AP3B1: variants seen among roughly 807,000 people sequenced by gnomAD.
AP3B1 encodes the protein adaptor related protein complex 3 subunit beta 1, also known as AP-3 complex subunit beta-1.
Under a neutral mutation model 132.5 loss-of-function variants are expected in AP3B1, and 61 were observed. That is an observed-to-expected ratio of 0.46 (90% CI 0.37 to 0.57). The LOEUF (loss-of-function observed/expected upper bound fraction) is 0.57, where lower values mean the gene tolerates loss of function less well. Among genes scored for constraint, AP3B1 ranks in the 20% least tolerant of loss-of-function variants. The probability of loss-of-function intolerance (pLI) is 0.00; values close to 1 mark genes in which losing one functional copy is unlikely to be tolerated. For synonymous variants in AP3B1, 388 were observed against 438.3 expected (o/e 0.89, Z 1.43); for missense variants, 1,120 against 1,289.4 (o/e 0.87, Z 2.01).
At chr5:78,186,747 TAAC>T (rs1477443361) in intron 7 of AP3B1, among the ~76,000 whole-genome samples, 1 of 152,194 alleles carries the variant, frequency 6.6e-6, no homozygotes, top group Non-Finnish European at 1.5e-5. Context: ...TTGTTATACA[TAAC>T]AATAAAGAAA....
chr5:78,117,457 C>G (rs1213751628), intron 17 of AP3B1, among the ~76,000 whole-genome samples: 1 of 151,724 alleles, frequency 6.6e-6, no homozygotes, highest in Non-Finnish European at 1.5e-5. Flanking sequence ...TCACAGGCAC[C>G]CACCACCACG....
intron 24 of AP3B1, among the ~76,000 whole-genome samples, chr5:78,029,988 A>G (rs1747503828): frequency 6.6e-6 from 1 of 151,164 alleles, no homozygotes; most frequent in African/African-American, 2.4e-5. Flanking sequence ...TCCTCCTTGC[A>G]CTTGTCTCTG....
chr5:78,242,689 G>A (rs376519707), intron 2 of AP3B1, among the ~76,000 whole-genome samples: 5 of 152,080 alleles, frequency 3.3e-5, no homozygotes, highest in African/African-American at 7.2e-5. Context: ...TTACAGGCAC[G>A]TGCCACCATG....
At chr5:78,005,525 G>A (rs886260106) in intron 26 of AP3B1, among the ~76,000 whole-genome samples, 2 of 152,168 alleles carry the variant, frequency 1.3e-5, no homozygotes, top group African/African-American at 4.8e-5. Flanking sequence ...AAGAATAGGG[G>A]TATGAAAGAA....
chr5:78,010,393 C>G (rs1746568707), intron 26 of AP3B1, among the ~76,000 whole-genome samples: 1 of 152,184 alleles, frequency 6.6e-6, no homozygotes, highest in Non-Finnish European at 1.5e-5. Flanking sequence ...CTCAGATTTA[C>G]TGAAGCTGAG....
chr5:78,208,138 C>T (rs7734286), intron 7 of AP3B1, among the ~76,000 whole-genome samples: 56,056 of 151,848 alleles, frequency 0.37, 10,687 homozygotes, highest in African/African-American at 0.46. Flanking sequence ...AAATAGGATT[C>T]AACACAGAAG....
At chr5:78,244,213 C>T (rs7711632) in intron 2 of AP3B1, among the ~76,000 whole-genome samples, 4,704 of 152,142 alleles carry the variant, frequency 0.031, 249 homozygotes, top group African/African-American at 0.11. Flanking sequence ...GGCCAACATG[C>T]TGAAACCCTG....
chr5:78,077,586 CAT>C (rs1027003062), intron 22 of AP3B1, among the ~76,000 whole-genome samples: 10 of 152,330 alleles, frequency 6.6e-5, no homozygotes, highest in Middle Eastern at 3.4e-3. Context: ...TCTGGTTACA[CAT>C]GTTATACTTA....
chr5:78,251,767 C>A (rs745554092), intron 2 of AP3B1, among the ~76,000 whole-genome samples: 2 of 152,198 alleles, frequency 1.3e-5, no homozygotes, highest in Non-Finnish European at 2.9e-5. Context: ...GCCATAAGAA[C>A]TGCAACTCTT....
chr5:78,293,229 T>C (rs2112604949), intron 1 of AP3B1, among the ~76,000 whole-genome samples: 1 of 152,260 alleles, frequency 6.6e-6, no homozygotes, highest in Non-Finnish European at 1.5e-5. Flanking sequence ...TCACAAACCA[T>C]AAAAGTAAAT....
intron 2 of AP3B1, among the ~76,000 whole-genome samples, chr5:78,256,882 T>C (rs1476729575): frequency 1.3e-5 from 2 of 152,106 alleles, no homozygotes; most frequent in African/African-American, 2.4e-5. Context: ...AATCAATCAA[T>C]GTGATACATC....
At chr5:78,218,187 C>T (rs1037223030) in intron 6 of AP3B1, among the ~76,000 whole-genome samples, 3 of 151,984 alleles carry the variant, frequency 2.0e-5, no homozygotes, top group Non-Finnish European at 2.9e-5. Context: ...CTAAACACTA[C>T]AAGGAAAATT....
At chr5:78,056,522 T>C (rs779599651) in intron 22 of AP3B1, among the ~76,000 whole-genome samples, 2 of 152,170 alleles carry the variant, frequency 1.3e-5, no homozygotes, top group African/African-American at 4.8e-5. Flanking sequence ...TGAATCACCA[T>C]TGGAAAAATG....
rs70997984 is a variant in AP3B1 at position 78,280,072 on chromosome 5, C to CAAAAAAAA, written c.129-12485_129-12478dup. On this transcript the variant is annotated intron_variant, in intron 1 of 26. Coordinates refer to ENST00000255194, the MANE Select transcript of AP3B1 (RefSeq NM_003664.5). ...TGGGCGACAGGGTGAGACTCTGTCTCAAAAAAAAAAAAAAAAGAATATATT... is the reference window on the plus strand; with the variant it reads ...TGGGCGACAGGGTGAGACTCTGTCTCAAAAAAAAAAAAAAAAAAAAAAAAGAATATATT... Among the ~76,000 whole-genome samples the CAAAAAAAA allele has an allele frequency of 7.1e-5, 6 of 84,932 alleles. No individual in the cohort carries two copies. The South Asian group carries it at 2.4e-3, about 35-fold the overall frequency. The allele number at this position is 84,932 out of a possible 152,430, so 55.7% of individuals were successfully genotyped here.
intron 3 of AP3B1, among the ~76,000 whole-genome samples, chr5:78,229,589 A>AAAAAAAAC (rs1746549893): frequency 6.7e-6 from 1 of 149,128 alleles, no homozygotes. Flanking sequence ...AAAAAAAAAA[A>AAAAAAAAC]TTAGCCAGGC....
At chr5:78,028,688 T>C (rs1389762083) in intron 24 of AP3B1, among the ~76,000 whole-genome samples, 1 of 152,182 alleles carries the variant, frequency 6.6e-6, no homozygotes, top group Non-Finnish European at 1.5e-5. Context: ...CTGATGTCCA[T>C]CTTCATAGGT....
intron 6 of AP3B1, among the ~76,000 whole-genome samples, chr5:78,218,225 T>C (rs1746039161): frequency 1.3e-5 from 2 of 152,116 alleles, no homozygotes; most frequent in Admixed American, 1.3e-4. Flanking sequence ...AAATGTTCAA[T>C]ATTCTATAAA....
chr5:78,009,189 G>A (rs1031835043), intron 26 of AP3B1, among the ~76,000 whole-genome samples: 2 of 151,548 alleles, frequency 1.3e-5, no homozygotes, highest in Non-Finnish European at 1.5e-5. Flanking sequence ...GCACAGTGGC[G>A]CATGCTTGTA....
Position 78,207,257 on chromosome 5 carries a change from CAAA to C in AP3B1, c.786+8795_786+8797del, listed in dbSNP as rs35228759. ...TGGGTGACAGAACGAGACTCAGTGT[CAAA>C]AAAAAAAAAAAAAAAAAATTATCAA... is the stretch of plus-strand genomic sequence containing the variant. On this transcript the variant is annotated intron_variant, in intron 7 of 26. Transcript: ENST00000255194. Among the ~76,000 whole-genome samples the C allele has an allele frequency of 6.7e-3, 778 of 116,084 alleles. 2 individuals are homozygous for C. The highest frequency in any genetic ancestry group is 0.026 in the Middle Eastern group (6 of 228). 76.2% of individuals were successfully genotyped at this position (116,084 alleles called of 152,430 possible). A position where few individuals can be genotyped will look rare whatever the true frequency, so the allele number is the denominator to read the frequency against.
Sources: allele counts gnomAD v4.1 joint callset (sites outside exome capture counted in the v4.1 genomes callset), GRCh38; gene constraint gnomAD v4.1.1; transcripts MANE v1.5; gene names NCBI Gene and HGNC (gene_info 2026-07-23, HGNC 2026-07-21).